MTHFD2L: variants seen among roughly 807,000 people sequenced by gnomAD.
MTHFD2L encodes bifunctional methylenetetrahydrofolate dehydrogenase/cyclohydrolase 2, mitochondrial.
In MTHFD2L, 29 loss-of-function variants were observed where a neutral mutation model predicts 34.9. The observed-to-expected ratio is 0.83, with a 90% CI of 0.62 to 1.13. MTHFD2L has a LOEUF of 1.13. Among genes scored for constraint, MTHFD2L ranks in the 50% most tolerant of loss-of-function variants. The pLI, the probability that MTHFD2L is intolerant of heterozygous loss-of-function variation, is 0.00. For synonymous variants in MTHFD2L, 167 were observed against 155.7 expected, an observed-to-expected ratio of 1.07 and a Z score of -0.54; for missense variants, 481 against 446.5, an observed-to-expected ratio of 1.08 and a Z score of -0.70.
At chr4:74,236,234 CA>C (rs964140456) in intron 6 of MTHFD2L, among the ~76,000 whole-genome samples, 3 of 152,054 alleles carry the variant, frequency 2.0e-5, no homozygotes, top group Non-Finnish European at 4.4e-5. Context: ...TTTCTGTGAC[CA>C]ACAGCCTGGT....
At chr4:74,295,733 C>T (rs1322543664) in intron 7 of MTHFD2L, among the ~76,000 whole-genome samples, 1 of 152,168 alleles carries the variant, frequency 6.6e-6, no homozygotes, top group Non-Finnish European at 1.5e-5. Flanking sequence ...TCAACTCTGT[C>T]TTTACTCCTG....
At chr4:74,268,696 A>G (rs1212444396) in intron 6 of MTHFD2L, among the ~76,000 whole-genome samples, 4 of 152,190 alleles carry the variant, frequency 2.6e-5, no homozygotes, top group Non-Finnish European at 4.4e-5. Flanking sequence ...GAGTATCCAT[A>G]GGGAAGTGAT....
intron 6 of MTHFD2L, chr4:74,267,000 C>T (rs757623420): frequency 2.2e-4 from 218 of 985,290 alleles, no homozygotes; most frequent in Non-Finnish European, 2.5e-4. Context: ...TCTGGGGAAC[C>T]TAAAGGGATT....
intron 6 of MTHFD2L, among the ~76,000 whole-genome samples, chr4:74,226,480 A>G (rs1414417162): frequency 6.6e-6 from 1 of 152,140 alleles, no homozygotes. Flanking sequence ...ATGTATACTT[A>G]TTATATTTCA....
chr4:74,237,295 C>A (rs533858976), intron 6 of MTHFD2L, among the ~76,000 whole-genome samples: 2 of 152,106 alleles, frequency 1.3e-5, no homozygotes, highest in African/African-American at 2.4e-5. Context: ...TGGTGAAGAA[C>A]CTTGCTTTTA....
At chr4:74,277,396 C>A (rs1746809524) in intron 6 of MTHFD2L, among the ~76,000 whole-genome samples, 1 of 151,970 alleles carries the variant, frequency 6.6e-6, no homozygotes, top group Non-Finnish European at 1.5e-5. Context: ...TTGTACCCAA[C>A]ACTTTCTCTT....
In MTHFD2L at chr4:74,281,558, A is replaced by G. The variant is rs1360661726; in HGVS notation, c.931+8A>G. On this transcript the variant is annotated splice_region_variant and intron_variant, in intron 7 of 7. Coordinates refer to ENST00000325278, the MANE Select transcript of MTHFD2L (RefSeq NM_001144978.3). ...GAGATGTGGACTTCGAAGGTAATAA[A>G]CCAATATCTTTTGATAGGTGAAGAA... The G allele has an allele frequency of 6.2e-7, 1 of 1,607,430 alleles. No individual in the cohort carries two copies. The highest frequency in any genetic ancestry group is 1.3e-5 in the African/African-American group (1 of 74,468).
At chr4:74,280,989 A>C (rs1407519663) in intron 6 of MTHFD2L, among the ~76,000 whole-genome samples, 6 of 149,684 alleles carry the variant, frequency 4.0e-5, no homozygotes, top group African/African-American at 1.5e-4. Context: ...CTTCCTTTCT[A>C]TCTCTCTCCC....
At chr4:74,132,916 A>C (rs1655573501) in intron 1 of MTHFD2L, among the ~76,000 whole-genome samples, 1 of 152,182 alleles carries the variant, frequency 6.6e-6, no homozygotes, top group Non-Finnish European at 1.5e-5. Context: ...TGGATTGCAC[A>C]CCACAATTAA....
intron 1 of MTHFD2L, among the ~76,000 whole-genome samples, chr4:74,167,367 A>G (rs1726937694): frequency 6.6e-6 from 1 of 152,268 alleles, no homozygotes; most frequent in Non-Finnish European, 1.5e-5. Context: ...CAGCAATGAA[A>G]GGCCACAGGC....
intron 5 of MTHFD2L, among the ~76,000 whole-genome samples, chr4:74,207,755 G>A (rs184895174): frequency 8.2e-6 from 1 of 122,432 alleles, no homozygotes; most frequent in East Asian, 2.3e-4. Context: ...AACCCCAGTT[G>A]TGAAAAAGAA....
intron 2 of MTHFD2L, among the ~76,000 whole-genome samples, chr4:74,115,527 G>A (rs561203434): frequency 9.8e-5 from 15 of 152,364 alleles, no homozygotes; most frequent in African/African-American, 3.6e-4. Flanking sequence ...AGGACAACAA[G>A]AATTAGCGCG....
intron 6 of MTHFD2L, among the ~76,000 whole-genome samples, chr4:74,250,257 AC>A (rs1389223024): frequency 7.2e-5 from 11 of 152,200 alleles, no homozygotes; most frequent in African/African-American, 2.7e-4. Flanking sequence ...GAGTTCTGAA[AC>A]AAAAAAGTTT....
At chr4:74,175,105 G>A (rs1728773364) in intron 2 of MTHFD2L, among the ~76,000 whole-genome samples, 176 bp from the exon 3 acceptor site, 1 of 152,102 alleles carries the variant, frequency 6.6e-6, no homozygotes, top group Non-Finnish European at 1.5e-5. Flanking sequence ...CCAGGCCAAA[G>A]AATACATGTG....
intron 7 of MTHFD2L, among the ~76,000 whole-genome samples, chr4:74,301,255 C>T (rs1347629648): frequency 6.6e-6 from 1 of 152,038 alleles, no homozygotes; most frequent in Admixed American, 6.6e-5. Context: ...GTATTATCCA[C>T]ACATACATTG....
At chr4:74,120,348 C>A (rs1329152119), upstream of MTHFD2L, among the ~76,000 whole-genome samples, 3 of 152,214 alleles carry the variant, frequency 2.0e-5, no homozygotes, top group African/African-American at 2.4e-5. Flanking sequence ...ACAATGCTTA[C>A]TTTTGTGCAA....
chr4:74,187,733 T>TACACACACAC (rs35175417), intron 3 of MTHFD2L, among the ~76,000 whole-genome samples: 4 of 134,224 alleles, frequency 3.0e-5, no homozygotes, highest in African/African-American at 1.2e-4. Context: ...AAACGTTAAA[T>TACACACACAC]ACACACACAC....
chr4:74,203,899 T>G (rs1163011678), intron 5 of MTHFD2L, among the ~76,000 whole-genome samples: 2 of 718 alleles, frequency 2.8e-3, no homozygotes, highest in Non-Finnish European at 0.062. Context: ...AATTTGCAGT[T>G]TTTTTTTTTT....
At chr4:74,185,182 T>G (rs1396621705) in intron 3 of MTHFD2L, among the ~76,000 whole-genome samples, 1 of 121,520 alleles carries the variant, frequency 8.2e-6, no homozygotes, top group Non-Finnish European at 1.6e-5. Context: ...AAAAAAAATC[T>G]GGAAAATCCC....
Sources: gnomAD v4.1 joint callset for allele counts (sites outside exome capture counted in the v4.1 genomes callset) on GRCh38, gnomAD v4.1.1 for gene constraint, MANE v1.5 for transcripts, NCBI Gene and HGNC (gene_info 2026-07-23, HGNC 2026-07-21) for gene names.